SGK1: variants seen among roughly 807,000 people sequenced by gnomAD.
SGK1 encodes serine/threonine-protein kinase Sgk1.
In SGK1, 26 loss-of-function variants were observed where a neutral mutation model predicts 64.2. The observed-to-expected ratio is 0.40, with a 90% CI of 0.30 to 0.56. SGK1 has a LOEUF of 0.56. Ranked by LOEUF, SGK1 falls within the 20% of genes least tolerant of loss-of-function variation. The pLI is 0.38. For synonymous variants in SGK1, 265 were observed against 239.7 expected, an observed-to-expected ratio of 1.11 and a Z score of -0.98; for missense variants, 519 against 645.6, an observed-to-expected ratio of 0.80 and a Z score of 2.12.
chr6:134,208,300 T>G (rs1775826386), intron 2 of SGK1, among the ~76,000 whole-genome samples: 1 of 152,192 alleles, frequency 6.6e-6, no homozygotes, highest in South Asian at 2.1e-4. Flanking sequence ...TTAGTCCACT[T>G]AGAGGCTCTT....
chr6:134,298,080 G>C, intron 1 of SGK1: 1 of 1,308,886 alleles, frequency 7.6e-7, no homozygotes, highest in Non-Finnish European at 1.1e-6. Flanking sequence ...AGCCCTTCCA[G>C]GTGAGACTCC....
intron 2 of SGK1, among the ~76,000 whole-genome samples, chr6:134,229,159 T>C (rs1165397137): frequency 6.6e-6 from 1 of 152,246 alleles, no homozygotes; most frequent in East Asian, 1.9e-4. Flanking sequence ...TTGCTACAAA[T>C]TACTGGGCCT....
At chr6:134,272,141 CTT>C (rs369377380) in intron 1 of SGK1, among the ~76,000 whole-genome samples, 2 of 129,444 alleles carry the variant, frequency 1.5e-5, no homozygotes, top group Non-Finnish European at 3.3e-5. Flanking sequence ...CGTGCCCAGC[CTT>C]TTTTTTTTTT....
Position 134,172,737 on chromosome 6 carries a change from TC to T in SGK1, c.871del (p.Glu291AsnfsTer11). On this transcript the variant is annotated frameshift_variant, in exon 9 of 14. Coordinates refer to ENST00000367858, the MANE Select transcript of SGK1 (RefSeq NM_001143676.3). LOFTEE classifies it high-confidence loss of function. ...YHLQRERCFL[E>X]PRARFYAAEI... ...AGCAGCATAGAAACGAGCCCGTGGT[TC>T]CAGGAAGCAGCGTTCCCTCTGGAGA... The T allele has an allele frequency of 6.2e-7, 1 of 1,614,116 alleles. No individual in the cohort carries two copies. The highest frequency in any genetic ancestry group is 8.5e-7 in the Non-Finnish European group (1 of 1,179,970).
At chr6:134,233,809 CTT>C (rs961526943) in intron 2 of SGK1, among the ~76,000 whole-genome samples, 1 of 144,630 alleles carries the variant, frequency 6.9e-6, no homozygotes, top group Admixed American at 7.0e-5. Flanking sequence ...GATTCTGATT[CTT>C]TTTTTTTTTG....
At chr6:134,281,523 T>TC (rs1205742466) in intron 1 of SGK1, among the ~76,000 whole-genome samples, 6 of 151,578 alleles carry the variant, frequency 4.0e-5, no homozygotes, top group African/African-American at 1.5e-4. Context: ...TTTGTTCTTT[T>TC]TTTTTTTTTT....
At chr6:134,175,369 C>G (rs1775198525) in intron 3 of SGK1, among the ~76,000 whole-genome samples, 1 of 152,092 alleles carries the variant, frequency 6.6e-6, no homozygotes, top group Admixed American at 6.5e-5. Context: ...TGCGCGCCAC[C>G]CTCCGGGGTT....
chr6:134,294,275 T>C (rs1038256391), intron 1 of SGK1, among the ~76,000 whole-genome samples: 5 of 152,150 alleles, frequency 3.3e-5, no homozygotes, highest in African/African-American at 4.8e-5. Flanking sequence ...CATTTTTAAG[T>C]GTGCAGTTTG....
intron 1 of SGK1, among the ~76,000 whole-genome samples, chr6:134,312,341 C>T (rs941753272): frequency 2.0e-5 from 3 of 152,132 alleles, no homozygotes; most frequent in African/African-American, 7.2e-5. Context: ...AATTTGGATA[C>T]TTTAAGCAGG....
chr6:134,265,541 CACATATATATTTTATATATAT>C (rs1776837739), intron 1 of SGK1, among the ~76,000 whole-genome samples: 1 of 145,764 alleles, frequency 6.9e-6, no homozygotes, highest in Non-Finnish European at 1.5e-5. Flanking sequence ...ATTTTATATA[CACATATATATTTTATATATAT>C]ACATATATAT....
At chr6:134,209,650 C>T (rs1775852664) in intron 2 of SGK1, among the ~76,000 whole-genome samples, 1 of 152,086 alleles carries the variant, frequency 6.6e-6, no homozygotes, top group Admixed American at 6.6e-5. Flanking sequence ...TGTTTAGTTT[C>T]ACCGACATTT....
chr6:134,173,246 T>C (rs1223716603), intron 7 of SGK1, 28 bp downstream of exon 7: 23 of 1,610,958 alleles, frequency 1.4e-5, no homozygotes, highest in Non-Finnish European at 1.9e-5. Flanking sequence ...CTACCGCCAA[T>C]GCCAGCCCCA....
chr6:134,230,590 C>CA (rs397779199), intron 2 of SGK1: 3 of 150,202 alleles, frequency 2.0e-5, no homozygotes, highest in East Asian at 3.9e-4. Context: ...ACCGCCCCCC[C>CA]ATGATTCAGT....
At chr6:134,230,805 G>T (rs1213301910) in intron 2 of SGK1, among the ~76,000 whole-genome samples, 1 of 152,286 alleles carries the variant, frequency 6.6e-6, no homozygotes, top group Non-Finnish European at 1.5e-5. Flanking sequence ...CTTGAAGTCA[G>T]GAGTTCCAGA....
intron 1 of SGK1, among the ~76,000 whole-genome samples, chr6:134,294,156 T>G (rs528156488): frequency 6.6e-6 from 1 of 152,318 alleles, no homozygotes; most frequent in Middle Eastern, 3.4e-3. Context: ...TCCTTCCTAC[T>G]CACCTTCCTG....
chr6:134,203,105 G>A (rs140471756), intron 3 of SGK1, among the ~76,000 whole-genome samples: 4,272 of 152,154 alleles, frequency 0.028, 201 homozygotes, highest in African/African-American at 0.096. Context: ...TTAGCCAGGC[G>A]TGGTGGCACG....
At chr6:134,241,813 C>T (rs1283402678) in intron 2 of SGK1, among the ~76,000 whole-genome samples, 2 of 151,296 alleles carry the variant, frequency 1.3e-5, no homozygotes, top group Non-Finnish European at 1.5e-5. Flanking sequence ...GTAGAGACGG[C>T]GTTTCACCGC....
At chr6:134,260,215 G>T (rs1453108328) in intron 2 of SGK1, 1 of 151,300 alleles carries the variant, frequency 6.6e-6, no homozygotes. Flanking sequence ...CAGGTTTGTT[G>T]GCGTATGCCT....
intron 1 of SGK1, among the ~76,000 whole-genome samples, chr6:134,313,393 A>G (rs913405672): frequency 6.6e-6 from 1 of 152,148 alleles, no homozygotes; most frequent in African/African-American, 2.4e-5. Flanking sequence ...ACAAAAATAC[A>G]GAGTCAAAAT....
Sources: gnomAD v4.1 joint callset for allele counts (sites outside exome capture counted in the v4.1 genomes callset) on GRCh38, gnomAD v4.1.1 for gene constraint, MANE v1.5 for transcripts, NCBI Gene and HGNC (gene_info 2026-07-23, HGNC 2026-07-21) for gene names.